The following PARD3 variants were observed in gnomAD, a reference collection of about 807,000 sequenced individuals.
PARD3 encodes par-3 family cell polarity regulator, also known as partitioning defective 3 homolog.
Under a neutral mutation model 155.4 loss-of-function variants are expected in PARD3, and 75 were observed. That is an observed-to-expected ratio of 0.48 (90% CI 0.40 to 0.58). PARD3 has a LOEUF of 0.58. PARD3 is among the 20% of genes least tolerant of loss of function. The pLI is 0.00. For synonymous variants in PARD3, 576 were observed against 610.5 expected, an observed-to-expected ratio of 0.94 and a Z score of 0.83; for missense variants, 1,642 against 1,721.7, an observed-to-expected ratio of 0.95 and a Z score of 0.82.
intron 20 of PARD3, among the ~76,000 whole-genome samples, chr10:34,284,781 A>C (rs1176164146): frequency 2.0e-5 from 3 of 152,244 alleles, no homozygotes; most frequent in African/African-American, 7.2e-5. Context: ...TTTACACTGC[A>C]CTTTAATTAA....
intron 22 of PARD3, among the ~76,000 whole-genome samples, chr10:34,141,772 G>A (rs1050294321): frequency 3.3e-5 from 5 of 152,096 alleles, no homozygotes; most frequent in South Asian, 4.1e-4. Flanking sequence ...ACATGCAAGC[G>A]CAAAGACATA....
chr10:34,564,161 TTA>T (rs2085735061), intron 2 of PARD3, among the ~76,000 whole-genome samples: 1 of 152,224 alleles, frequency 6.6e-6, no homozygotes, highest in Non-Finnish European at 1.5e-5. Flanking sequence ...AAAGCATTTT[TTA>T]TGAGAAGTAA....
At chr10:34,622,884 T>C (rs917823921) in intron 2 of PARD3, among the ~76,000 whole-genome samples, 1 of 151,286 alleles carries the variant, frequency 6.6e-6, no homozygotes, top group East Asian at 1.9e-4. Context: ...TTATTTCTTA[T>C]AATCCTCCTG....
At chr10:34,547,112 G>C (rs1189342404) in intron 2 of PARD3, among the ~76,000 whole-genome samples, 2 of 152,192 alleles carry the variant, frequency 1.3e-5, no homozygotes, top group African/African-American at 4.8e-5. Context: ...CAAATTTATG[G>C]ATTGTCTGAC....
chr10:34,481,796 G>GA (rs1183029680), intron 3 of PARD3, among the ~76,000 whole-genome samples: 43 of 148,806 alleles, frequency 2.9e-4, no homozygotes, highest in East Asian at 9.8e-4. Flanking sequence ...TAGAAAAGTA[G>GA]AAAAAAAAAA....
rs988578935 is a variant in PARD3, at chr10:34,165,104, C to T, written c.3420-33521G>A. ...GATACAGACTAAAAAAAAAAGGTTC[C>T]TTTAATTTCAACTAATTTCTCTTTA... On this transcript the variant is annotated intron_variant, in intron 22 of 24. Coordinates refer to ENST00000374788, the MANE Select transcript of PARD3 (RefSeq NM_001184785.2). 2.0e-5 allele frequency among the ~76,000 whole-genome samples: 3 copies of T among 152,138 alleles called. No individual in the cohort carries two copies. In the East Asian group the frequency reaches 5.8e-4, roughly 29 times the overall value.
chr10:34,615,996 G>A (rs1402231541), intron 2 of PARD3, among the ~76,000 whole-genome samples: 1 of 152,124 alleles, frequency 6.6e-6, no homozygotes, highest in African/African-American at 2.4e-5. Context: ...ACCCCTGGTG[G>A]GAATGCAAAT....
intron 24 of PARD3, among the ~76,000 whole-genome samples, 167 bp downstream of exon 24, chr10:34,119,446 G>A (rs1053537864): frequency 6.6e-6 from 1 of 152,254 alleles, no homozygotes; most frequent in South Asian, 2.1e-4. Context: ...CAGTACGACA[G>A]CCCCCCACGC....
chr10:34,645,695 C>T (rs958166537), intron 2 of PARD3, among the ~76,000 whole-genome samples: 1 of 152,166 alleles, frequency 6.6e-6, no homozygotes, highest in Non-Finnish European at 1.5e-5. Flanking sequence ...TCTGCAGCTG[C>T]GGCTGGGAGC....
intron 22 of PARD3, among the ~76,000 whole-genome samples, chr10:34,222,639 C>A (rs987954170): frequency 6.6e-6 from 1 of 152,176 alleles, no homozygotes; most frequent in South Asian, 2.1e-4. Context: ...GGTCTGTGAG[C>A]GTCCCCAAGG....
At position 34,304,934 on chromosome 10, in the gene PARD3, A is replaced by G. The variant is rs181729161; in HGVS notation, c.3065+12173T>C. On this transcript the variant is annotated intron_variant, in intron 20 of 24. Coordinates refer to ENST00000374788, the MANE Select transcript of PARD3 (RefSeq NM_001184785.2). ...CACCTGACAAAATCAGAAATGGAAT[A>G]AAAACTGATAATAGATCATCCTCTA... 1.1e-3 allele frequency among the ~76,000 whole-genome samples: 171 copies of G among 152,336 alleles called. 1 individual carries two copies. Among genetic ancestry groups the G allele is most frequent in the African/African-American group, 3.9e-3 (163 of 41,576 alleles).
intron 21 of PARD3, among the ~76,000 whole-genome samples, chr10:34,273,978 T>C (rs1955756567): frequency 1.3e-5 from 2 of 152,162 alleles, no homozygotes; most frequent in Non-Finnish European, 2.9e-5. Flanking sequence ...AGCAGGACTT[T>C]TACCAGAACT....
intron 1 of PARD3, among the ~76,000 whole-genome samples, chr10:34,727,883 C>CACACAA (rs1323594987): frequency 3.5e-5 from 3 of 86,080 alleles, no homozygotes; most frequent in Non-Finnish European, 8.7e-5. Context: ...CTCCGCCACA[C>CACACAA]ACACACACAC....
intron 22 of PARD3, among the ~76,000 whole-genome samples, chr10:34,156,962 C>A (rs1036728): frequency 0.26 from 40,172 of 151,836 alleles, 5,675 homozygotes; most frequent in Middle Eastern, 0.39. Flanking sequence ...GGAAAAAAAA[C>A]CCTGCCCTTG....
intron 24 of PARD3, among the ~76,000 whole-genome samples, chr10:34,112,630 AC>A (rs1946445878): frequency 6.6e-6 from 1 of 152,158 alleles, no homozygotes; most frequent in African/African-American, 2.4e-5. Flanking sequence ...CTCCATCAAC[AC>A]ACACAACACA....
At chr10:34,460,833 AAAAAATAAAAAT>A (rs763989931) in intron 4 of PARD3, among the ~76,000 whole-genome samples, 7 of 152,094 alleles carry the variant, frequency 4.6e-5, no homozygotes, top group Non-Finnish European at 7.3e-5. Context: ...ACTCGTCTCA[AAAAAATAAAAAT>A]AAAAATAAAA....
chr10:34,605,994 CTCCTATATA>C (rs1253070738), intron 2 of PARD3, among the ~76,000 whole-genome samples: 1 of 116,058 alleles, frequency 8.6e-6, no homozygotes, highest in African/African-American at 3.3e-5. Context: ...ATATATATAT[CTCCTATATA>C]TATATATCTC....
intron 3 of PARD3, among the ~76,000 whole-genome samples, chr10:34,505,880 C>G (rs1052797617): frequency 4.6e-5 from 7 of 152,154 alleles, no homozygotes; most frequent in African/African-American, 1.7e-4. Flanking sequence ...CGCTTATAAT[C>G]CCAGCACTTT....
At chr10:34,610,539 G>A (rs1242177376) in intron 2 of PARD3, among the ~76,000 whole-genome samples, 1 of 152,114 alleles carries the variant, frequency 6.6e-6, no homozygotes, top group Non-Finnish European at 1.5e-5. Flanking sequence ...ATCAAAGAAG[G>A]AAAAATAAGC....
Sources: gnomAD v4.1 joint callset for allele counts (sites outside exome capture counted in the v4.1 genomes callset) on GRCh38, gnomAD v4.1.1 for gene constraint, MANE v1.5 for transcripts, NCBI Gene and HGNC (gene_info 2026-07-23, HGNC 2026-07-21) for gene names.